The following FARS2 variants were observed in gnomAD, a reference collection of about 807,000 sequenced individuals.
FARS2 encodes the protein phenylalanyl-tRNA synthetase 2, mitochondrial.
In FARS2, 40 loss-of-function variants were observed where a neutral mutation model predicts 46.4. The ratio of observed to expected loss-of-function variants is 0.86; its 90% CI spans 0.67 to 1.12. FARS2 has a LOEUF of 1.12. Among genes scored for constraint, FARS2 ranks in the 50% most tolerant of loss-of-function variants. The pLI is 0.00. For synonymous variants in FARS2, 234 were observed against 214.9 expected (o/e 1.09, Z -0.78); for missense variants, 513 against 567.9 (o/e 0.90, Z 0.98).
At chr6:5,571,767 A>G (rs1196178043) in intron 5 of FARS2, among the ~76,000 whole-genome samples, 1 of 151,982 alleles carries the variant, frequency 6.6e-6, no homozygotes, top group Non-Finnish European at 1.5e-5. Flanking sequence ...TTTATCAGAA[A>G]TCCCCTCTCA....
chr6:5,343,737 C>A lies in FARS2; in HGVS notation c.-21-24813C>A, dbSNP rs920359836. On this transcript the variant is annotated intron_variant, in intron 1 of 6. Transcript: ENST00000274680. This position sits in a 1 kb window ranked among gnomAD's most constrained non-coding sequence, Gnocchi z 4.5. ...ATGACATGGGTTCTGTCTAGGGATT[C>A]TCCTGTGGGAGGGAGAGGACCTTTG... is the stretch of plus-strand genomic sequence containing the variant. 1.3e-5 allele frequency among the ~76,000 whole-genome samples: 2 copies of A among 152,128 alleles called. No individual in the cohort carries two copies. The highest frequency in any genetic ancestry group is 1.3e-4 in the Admixed American group (2 of 15,264).
At chr6:5,337,826 T>C (rs1771268227) in intron 1 of FARS2, among the ~76,000 whole-genome samples, 1 of 152,220 alleles carries the variant, frequency 6.6e-6, no homozygotes, top group Non-Finnish European at 1.5e-5. Flanking sequence ...ATTTTAGAAA[T>C]GATTGGCTGT....
At chr6:5,509,523 G>C (rs1176903383) in intron 4 of FARS2, among the ~76,000 whole-genome samples, 2 of 152,334 alleles carry the variant, frequency 1.3e-5, no homozygotes, top group African/African-American at 4.8e-5. Flanking sequence ...CGGCAGACAA[G>C]GGGCAGACTC....
chr6:5,377,580 A>T (rs1292172847), intron 2 of FARS2, among the ~76,000 whole-genome samples: 1 of 152,172 alleles, frequency 6.6e-6, no homozygotes, highest in Non-Finnish European at 1.5e-5. Context: ...CTTAAATTTT[A>T]TACAAGAATG....
At chr6:5,420,516 G>A (rs1295876825) in intron 3 of FARS2, among the ~76,000 whole-genome samples, 1 of 152,140 alleles carries the variant, frequency 6.6e-6, no homozygotes, top group African/African-American at 2.4e-5. Context: ...TTTCCAAATG[G>A]GAGAAATTGG....
intron 1 of FARS2, among the ~76,000 whole-genome samples, chr6:5,273,229 T>G (rs1232777425): frequency 6.6e-6 from 1 of 152,250 alleles, no homozygotes; most frequent in Non-Finnish European, 1.5e-5. Flanking sequence ...TTTTTAGTTT[T>G]TTGAGGAACC....
chr6:5,495,777 G>C (rs979733265), intron 4 of FARS2, among the ~76,000 whole-genome samples: 2 of 152,184 alleles, frequency 1.3e-5, no homozygotes, highest in African/African-American at 4.8e-5. Flanking sequence ...CAAAGGCAGA[G>C]ACCATAACAG....
intron 6 of FARS2, among the ~76,000 whole-genome samples, chr6:5,747,172 C>T (rs1761694913): frequency 6.6e-6 from 1 of 152,106 alleles, no homozygotes; most frequent in Non-Finnish European, 1.5e-5. Context: ...TGATGGGCTT[C>T]GCAAAGAGAT....
At chr6:5,298,136 C>G (rs147415112) in intron 1 of FARS2, among the ~76,000 whole-genome samples, 15 of 152,354 alleles carry the variant, frequency 9.8e-5, no homozygotes, top group Non-Finnish European at 1.5e-4. Flanking sequence ...TGCATTTTCC[C>G]TCAGAGTCAC....
At chr6:5,751,658 G>A (rs1162422180) in intron 6 of FARS2, among the ~76,000 whole-genome samples, 1 of 152,116 alleles carries the variant, frequency 6.6e-6, no homozygotes. Context: ...GCTGGCCTGG[G>A]CCACCCCCAA....
At chr6:5,518,127 C>T (rs11243016) in intron 4 of FARS2, among the ~76,000 whole-genome samples, 106,473 of 152,104 alleles carry the variant, frequency 0.7, 37,717 homozygotes, top group African/African-American at 0.74. Context: ...CACCAGGCTC[C>T]ACAGCAGAGG....
intron 6 of FARS2, among the ~76,000 whole-genome samples, chr6:5,713,917 T>G (rs932141389): frequency 3.3e-5 from 5 of 152,208 alleles, no homozygotes; most frequent in Non-Finnish European, 7.3e-5. Context: ...GTCCATATGT[T>G]TAAATCTCTC....
At chr6:5,493,773 A>T (rs1016107312) in intron 4 of FARS2, among the ~76,000 whole-genome samples, 5 of 152,262 alleles carry the variant, frequency 3.3e-5, no homozygotes, top group African/African-American at 1.2e-4. Flanking sequence ...GTAGGTGCTC[A>T]CAAACGTTTA....
At chr6:5,576,941 CTG>C (rs1773021294) in intron 5 of FARS2, among the ~76,000 whole-genome samples, 1 of 151,906 alleles carries the variant, frequency 6.6e-6, no homozygotes, top group Admixed American at 6.6e-5. Context: ...TAGACAGTCT[CTG>C]TATTTCCTGA....
At chr6:5,738,785 T>G (rs1369505600) in intron 6 of FARS2, among the ~76,000 whole-genome samples, 5 of 140,304 alleles carry the variant, frequency 3.6e-5, no homozygotes, top group Non-Finnish European at 7.7e-5. Flanking sequence ...AAAAAAAAAA[T>G]GCAGTTTCAA....
rs1273194767 is a variant in FARS2, at chr6:5,303,517, G to T, written c.-22+41857G>T. On this transcript the variant is annotated intron_variant, in intron 1 of 6. Transcript: ENST00000274680. ...TGTGTCTTCATCCTTGTGTCAGCTC[G>T]GGAGAGCCGCTCCTGCCCTCCCTCT... Among the ~76,000 whole-genome samples, 3 of 152,014 alleles carry T rather than the reference G, an allele frequency of 2.0e-5. No individual in the cohort carries two copies. In the South Asian group the frequency reaches 6.2e-4, roughly 32 times the overall value.
At chr6:5,560,431 A>G (rs1484087058) in intron 5 of FARS2, among the ~76,000 whole-genome samples, 1 of 152,106 alleles carries the variant, frequency 6.6e-6, no homozygotes, top group East Asian at 1.9e-4. Flanking sequence ...TGACTGCAAA[A>G]TATTACCATT....
chr6:5,388,985 T>C (rs73350536), intron 2 of FARS2, among the ~76,000 whole-genome samples: 14,038 of 152,152 alleles, frequency 0.092, 782 homozygotes, highest in African/African-American at 0.15. Flanking sequence ...CCTTTGGGTT[T>C]TCAGTTCTCC....
chr6:5,722,466 C>T (rs1386574153), intron 6 of FARS2, among the ~76,000 whole-genome samples: 1 of 152,166 alleles, frequency 6.6e-6, no homozygotes, highest in Non-Finnish European at 1.5e-5. Flanking sequence ...GGGGTTATCT[C>T]AGGTGGGATG....
Sources: gnomAD v4.1 joint callset for allele counts (sites outside exome capture counted in the v4.1 genomes callset) on GRCh38, gnomAD v4.1.1 for gene constraint, Gnocchi (gnomAD v3.1) non-coding constraint, MANE v1.5 for transcripts, NCBI Gene and HGNC (gene_info 2026-07-23, HGNC 2026-07-21) for gene names.